Variants in MAP7 observed in about 807,000 individuals in gnomAD.
The protein encoded by MAP7 is ensconsin.
Under a neutral mutation model 94.8 loss-of-function variants are expected in MAP7, and 52 were observed. The ratio of observed to expected loss-of-function variants is 0.55; its 90% CI spans 0.44 to 0.69. The LOEUF is 0.69. MAP7 is among the 30% of genes least tolerant of loss of function. The pLI is 0.00. For missense variants in MAP7, 940 were observed against 964.6 expected (o/e 0.97, Z 0.34); for synonymous variants, 350 against 357.0 (o/e 0.98, Z 0.22).
In MAP7 at chr6:136,450,232, C is replaced by T. The variant is rs547241171; in HGVS notation, c.68-28433G>A. On this transcript the variant is annotated intron_variant, in intron 1 of 17. Coordinates refer to ENST00000354570, the MANE Select transcript of MAP7 (RefSeq NM_003980.6). ...TTTGGCTTCTGTATAAGCCTTTTAT[C>T]CTTTTCACCAACACAATTCTAAGTA... Among the ~76,000 whole-genome samples the T allele has an allele frequency of 3.2e-3, 487 of 152,204 alleles. 2 individuals are homozygous for T. Among genetic ancestry groups the T allele is most frequent in the African/African-American group, 0.011 (467 of 41,528 alleles).
At chr6:136,436,244 T>C (rs1796343969) in intron 1 of MAP7, among the ~76,000 whole-genome samples, 1 of 152,220 alleles carries the variant, frequency 6.6e-6, no homozygotes. Context: ...TTAATACTTT[T>C]GGATAAACTA....
At chr6:136,457,932 A>C (rs554169330) in intron 1 of MAP7, among the ~76,000 whole-genome samples, 4 of 152,340 alleles carry the variant, frequency 2.6e-5, no homozygotes, top group African/African-American at 9.6e-5. Context: ...ACAGAGCTAG[A>C]AGTCCTTACC....
chr6:136,457,880 G>T (rs959823865), intron 1 of MAP7, among the ~76,000 whole-genome samples: 1 of 152,110 alleles, frequency 6.6e-6, no homozygotes, highest in African/African-American at 2.4e-5. Flanking sequence ...TTTAAGATAA[G>T]GAACAAGGCA....
intron 15 of MAP7, 139 bp downstream of exon 15, chr6:136,359,681 A>C: frequency 1.3e-6 from 1 of 763,946 alleles, no homozygotes; most frequent in Non-Finnish European, 2.2e-6. Context: ...GAAGGACTCG[A>C]TGACAGACCC....
At chr6:136,466,994 C>G in intron 1 of MAP7, 2 of 1,085,574 alleles carry the variant, frequency 1.8e-6, no homozygotes, top group Admixed American at 3.3e-5. Context: ...TAAACAGTAA[C>G]CGTGTTCACT....
intron 1 of MAP7, among the ~76,000 whole-genome samples, chr6:136,506,300 C>T (rs1432389617): frequency 1.3e-5 from 2 of 152,024 alleles, no homozygotes; most frequent in African/African-American, 4.8e-5. Flanking sequence ...ATAATCATTA[C>T]TGTGGATGGT....
chr6:136,355,112 T>C (rs892160877), intron 16 of MAP7, among the ~76,000 whole-genome samples: 1 of 151,906 alleles, frequency 6.6e-6, no homozygotes, highest in Non-Finnish European at 1.5e-5. Flanking sequence ...GAGGTGGAGG[T>C]TGCAGTGAGC....
intron 1 of MAP7, among the ~76,000 whole-genome samples, chr6:136,537,606 C>G (rs1828985584): frequency 6.6e-6 from 1 of 152,066 alleles, no homozygotes; most frequent in African/African-American, 2.4e-5. Flanking sequence ...AATAATAATT[C>G]AGTTCTATTT....
At chr6:136,437,634 G>C (rs149679159) in intron 1 of MAP7, among the ~76,000 whole-genome samples, 2,208 of 152,210 alleles carry the variant, frequency 0.015, 49 homozygotes, top group African/African-American at 0.05. Context: ...GATACAGACA[G>C]AATTCAGTCA....
chr6:136,385,205 G>A (rs937445345), intron 5 of MAP7, among the ~76,000 whole-genome samples: 1 of 151,952 alleles, frequency 6.6e-6, no homozygotes, highest in Admixed American at 6.6e-5. Context: ...GCAAGTCTTT[G>A]ATTAACATCA....
intron 1 of MAP7, among the ~76,000 whole-genome samples, chr6:136,507,317 A>C (rs537011027): frequency 6.6e-6 from 1 of 151,870 alleles, no homozygotes; most frequent in Non-Finnish European, 1.5e-5. Context: ...GAGGCCAAGC[A>C]GAAGATCCAG....
chr6:136,413,032 T>A (rs1455510827), intron 2 of MAP7, among the ~76,000 whole-genome samples: 1 of 152,024 alleles, frequency 6.6e-6, no homozygotes, highest in Non-Finnish European at 1.5e-5. Flanking sequence ...TATGGCAGCG[T>A]GCGCCTGTAG....
At chr6:136,536,499 C>G (rs562887056) in intron 1 of MAP7, among the ~76,000 whole-genome samples, 1 of 152,098 alleles carries the variant, frequency 6.6e-6, no homozygotes, top group Non-Finnish European at 1.5e-5. Context: ...CCCAAATGAC[C>G]ATTTTGCCTT....
At chr6:136,500,097 C>G (rs1819425502) in intron 1 of MAP7, among the ~76,000 whole-genome samples, 1 of 151,174 alleles carries the variant, frequency 6.6e-6, no homozygotes, top group Admixed American at 6.6e-5. Context: ...TGATTCTGAG[C>G]AAGTTACTTA....
At chr6:136,523,283 C>T (rs61414169) in intron 1 of MAP7, among the ~76,000 whole-genome samples, 3,789 of 152,240 alleles carry the variant, frequency 0.025, 164 homozygotes, top group African/African-American at 0.086. Context: ...CCATATCCAA[C>T]GTCAGGAAGC....
intron 3 of MAP7, among the ~76,000 whole-genome samples, chr6:136,390,112 C>T (rs1027659994): frequency 1.3e-5 from 2 of 152,160 alleles, no homozygotes; most frequent in African/African-American, 2.4e-5. Context: ...ATGAAAAATA[C>T]AATCCAAAAT....
At chr6:136,355,034 G>C (rs1453460638) in intron 16 of MAP7, among the ~76,000 whole-genome samples, 3 of 152,090 alleles carry the variant, frequency 2.0e-5, no homozygotes, top group Non-Finnish European at 4.4e-5. Context: ...GACCAGCCTG[G>C]TTAATATGAT....
chr6:136,522,258 C>T (rs1562485066), intron 1 of MAP7, among the ~76,000 whole-genome samples: 1 of 152,008 alleles, frequency 6.6e-6, no homozygotes, highest in Non-Finnish European at 1.5e-5. Context: ...CAGCTCGCTC[C>T]CAGTGATTAT....
At chr6:136,421,642 T>C (rs1020232562) in intron 2 of MAP7, 59 bp downstream of exon 2, 2 of 1,433,216 alleles carry the variant, frequency 1.4e-6, no homozygotes, top group African/African-American at 2.8e-5. Flanking sequence ...ATCATCAGCA[T>C]GCCTTTAGGG....
Sources: allele counts gnomAD v4.1 joint callset (sites outside exome capture counted in the v4.1 genomes callset), GRCh38; gene constraint gnomAD v4.1.1; transcripts MANE v1.5; gene names NCBI Gene and HGNC (gene_info 2026-07-23, HGNC 2026-07-21).